The following BRWD3 variants were observed in gnomAD, a reference collection of about 807,000 sequenced individuals.
BRWD3 encodes bromodomain and WD repeat-containing protein 3.
BRWD3 carries 10 observed loss-of-function variants against 149.7 expected under a neutral mutation model. That is an observed-to-expected ratio of 0.07 (90% CI 0.04 to 0.11). The LOEUF (loss-of-function observed/expected upper bound fraction) is 0.11. Ranked by LOEUF, BRWD3 falls within the 10% of genes least tolerant of loss-of-function variation. The probability of loss-of-function intolerance (pLI) is 1.00; values close to 1 mark genes in which losing one functional copy is unlikely to be tolerated. For synonymous variants in BRWD3, 504 were observed against 456.7 expected (o/e 1.10, Z -1.32); for missense variants, 940 against 1,373.2 (o/e 0.68, Z 4.99).
At chrX:80,702,660 AT>A (rs1234087957) in intron 24 of BRWD3, among the ~76,000 whole-genome samples, 1 of 111,921 alleles carries the variant, frequency 8.9e-6, no homozygotes, top group South Asian at 3.6e-4. Flanking sequence ...TCAGCAGGTA[AT>A]AATTTATTTG....
chrX:80,782,591 G>A (rs1360135939), intron 6 of BRWD3, among the ~76,000 whole-genome samples: 1 of 111,636 alleles, frequency 9.0e-6, no homozygotes, highest in African/African-American at 3.3e-5. Flanking sequence ...GTATCCATCT[G>A]ACAAAGGATC....
chrX:80,731,029 C>A (rs1481169642), intron 12 of BRWD3, among the ~76,000 whole-genome samples: 2 of 111,374 alleles, frequency 1.8e-5, no homozygotes, highest in Non-Finnish European at 3.8e-5. Context: ...CTTTGTACAA[C>A]CTCATACATA....
chrX:80,772,111 T>C (rs905998596), intron 6 of BRWD3, among the ~76,000 whole-genome samples: 5 of 111,692 alleles, frequency 4.5e-5, no homozygotes, highest in African/African-American at 1.6e-4. Context: ...AGCAATCCCA[T>C]TACTGGGTAT....
intron 34 of BRWD3, 22 bp from the exon 35 acceptor site, chrX:80,687,025 T>C (rs1308549976): frequency 8.3e-6 from 10 of 1,201,681 alleles, no homozygotes; most frequent in South Asian, 3.5e-5. Context: ...AATAGAGTTA[T>C]ATCTAAAAGA....
intron 6 of BRWD3, among the ~76,000 whole-genome samples, chrX:80,747,756 A>G (rs1019933125): frequency 1.8e-5 from 2 of 111,859 alleles, no homozygotes; most frequent in African/African-American, 6.5e-5. Context: ...GTATAGAAAC[A>G]ATGTAGATTG....
At chrX:80,700,433 G>GATATATATATATATATATATATAT (rs748889698) in intron 24 of BRWD3, among the ~76,000 whole-genome samples, 857 of 55,560 alleles carry the variant, frequency 0.015, 64 homozygotes, top group African/African-American at 0.044. Flanking sequence ...GAAAATATTT[G>GATATATATATATATATATATATAT]ATATATATAA....
chrX:80,684,306 A>C, intron 36 of BRWD3, 144 bp from the exon 37 acceptor site: 1 of 518,882 alleles, frequency 1.9e-6, no homozygotes, highest in Non-Finnish European at 3.2e-6. Flanking sequence ...CAACCCCAAA[A>C]CATCTTTTGG....
rs761296571 is a variant in BRWD3 at position 80,798,081 on chromosome X, C to T, written c.181-4309G>A. ...CTGCACTCCAGACTAGGCGACAGAG[C>T]GAGACTCCACCTCAAAAACATAAAT... On this transcript the variant is annotated intron_variant, in intron 4 of 40. Coordinates refer to ENST00000373275, the MANE Select transcript of BRWD3 (RefSeq NM_153252.5). Among the ~76,000 whole-genome samples, 132 of 110,612 alleles carry T rather than the reference C, an allele frequency of 1.2e-3. 1 individual carries two copies. The highest frequency in any genetic ancestry group is 1.8e-3 in the Non-Finnish European group (93 of 52,874).
At chrX:80,712,419 G>A (rs928511943) in intron 20 of BRWD3, among the ~76,000 whole-genome samples, 16 of 110,877 alleles carry the variant, frequency 1.4e-4, no homozygotes, top group African/African-American at 5.3e-4. Flanking sequence ...CCGAGGTGCC[G>A]GGATTGCAGA....
intron 12 of BRWD3, 88 bp downstream of exon 12, chrX:80,733,368 G>T: frequency 1.4e-6 from 1 of 712,058 alleles, no homozygotes; most frequent in Non-Finnish European, 2.2e-6. Flanking sequence ...CAGAAATAAG[G>T]TATCTATCAT....
At chrX:80,707,798 A>G (rs2072889740) in intron 21 of BRWD3, among the ~76,000 whole-genome samples, 1 of 111,909 alleles carries the variant, frequency 8.9e-6, no homozygotes, top group Non-Finnish European at 1.9e-5. Flanking sequence ...CATTAGAAAC[A>G]TTGTTTTCAA....
chrX:80,735,423 ACTT>A, intron 9 of BRWD3, among the ~76,000 whole-genome samples: 2 of 111,819 alleles, frequency 1.8e-5, no homozygotes, highest in Non-Finnish European at 3.8e-5. Context: ...TAACCATATT[ACTT>A]ACTACTACCA....
intron 14 of BRWD3, 47 bp from the exon 15 acceptor site, chrX:80,725,114 G>A (rs776074744): frequency 2.6e-6 from 3 of 1,167,191 alleles, no homozygotes; most frequent in Non-Finnish European, 2.3e-6. Context: ...CGAAATGTTT[G>A]GTTCATTTGG....
chrX:80,710,507 C>G (rs1303466390), intron 20 of BRWD3: 3 of 394,343 alleles, frequency 7.6e-6, no homozygotes, highest in Non-Finnish European at 1.4e-5. Context: ...TGAAGAGAGA[C>G]AATTCCTGCA....
chrX:80,726,103 T>C (rs1313243475), intron 14 of BRWD3, among the ~76,000 whole-genome samples: 1 of 110,194 alleles, frequency 9.1e-6, no homozygotes, highest in African/African-American at 3.3e-5. Context: ...TGTTTACATG[T>C]TATGTGTCTG....
rs1374925959 is a variant in BRWD3, at chrX:80,809,494, G to T, written c.-23C>A. 3.5e-6 allele frequency: 4 copies of T among 1,136,305 alleles called. No individual in the cohort carries two copies. Among genetic ancestry groups the T allele is most frequent in the Non-Finnish European group, 1.2e-6 (1 of 849,175 alleles). The allele number at this position is 1,136,305 out of a possible 1,213,427, so 93.6% of individuals were successfully genotyped here. On this transcript the variant is annotated 5_prime_UTR_variant, in exon 1 of 41. Transcript: ENST00000373275. The stretch of plus-strand genomic sequence containing the variant: ...CATCCTTTTCCCGAGGGGGTTTGGG[G>T]GCTTCGCTCCGGAGGGGCTGGCGGG...
rs949388279 is a variant in BRWD3 at position 80,676,802 on chromosome X, C to T, written c.5216G>A (p.Gly1739Glu). 8.3e-7 allele frequency: 1 copy of T among 1,211,222 alleles called. No homozygotes were observed. Among genetic ancestry groups the T allele is most frequent in the East Asian group, 3.0e-5 (1 of 33,791 alleles). The change falls in exon 41 of 41, where the codon GGA (glycine) becomes GAA (glutamate). Residue 1739 changes from glycine (G) to glutamate (E), a missense_variant. Gly to Glu is a moderately conservative substitution (Grantham distance 98). This residue lies in a region of BRWD3 where 349 missense variants were observed against 419.6 expected (regional missense o/e 0.83). Coordinates refer to ENST00000373275, the MANE Select transcript of BRWD3 (RefSeq NM_153252.5). ...AATTCGAGGCAGTCTACTGAAACGT[C>T]CTGAAAACATGGTATCAAATTCATC... ...ADDEFDTMFS[G>E]RFSRLPRIKT... is the part of the protein sequence containing the mutation.
At chrX:80,752,645 ATAAT>A (rs1190112324) in intron 6 of BRWD3, among the ~76,000 whole-genome samples, 2 of 111,764 alleles carry the variant, frequency 1.8e-5, no homozygotes, top group African/African-American at 6.5e-5. Flanking sequence ...AATTTCTGTG[ATAAT>A]TAGTGATGTT....
chrX:80,775,060 A>C lies in BRWD3; in HGVS notation c.430+16794T>G, dbSNP rs191016328. ...TAGACCAGGGGCTGGCAAACTAAGG[A>C]CCATGGACCAAATGTAACCCACCAT... On this transcript the variant is annotated intron_variant, in intron 6 of 40. Transcript: ENST00000373275. Among the ~76,000 whole-genome samples the C allele has an allele frequency of 4.6e-3, 515 of 112,422 alleles. 1 individual carries two copies. Among genetic ancestry groups the C allele is most frequent in the Non-Finnish European group, 7.2e-3 (381 of 53,270 alleles).
Sources: allele counts gnomAD v4.1 joint callset (sites outside exome capture counted in the v4.1 genomes callset), GRCh38; gene constraint gnomAD v4.1.1; regional missense constraint gnomAD v4.1.1; transcripts MANE v1.5; gene names NCBI Gene and HGNC (gene_info 2026-07-23, HGNC 2026-07-21).